TNFSF4: variants seen among roughly 807,000 people sequenced by gnomAD.
TNFSF4 encodes the protein TNF superfamily member 4, also known as tumor necrosis factor ligand superfamily member 4.
Under a neutral mutation model 7.3 loss-of-function variants are expected in TNFSF4, and 4 were observed. The observed-to-expected ratio is 0.55, with a 90% CI of 0.27 to 1.25. The LOEUF (loss-of-function observed/expected upper bound fraction) is 1.25, where lower values mean the gene tolerates loss of function less well. TNFSF4 is among the 50% of genes most tolerant of loss of function. TNFSF4 has a pLI of 0.12. For synonymous variants in TNFSF4, 76 were observed against 83.7 expected (o/e 0.91, Z 0.50); for missense variants, 181 against 208.8 (o/e 0.87, Z 0.82).
chr1:173,193,925 G>C (rs1199905568), intron 1 of TNFSF4, among the ~76,000 whole-genome samples: 1 of 152,192 alleles, frequency 6.6e-6, no homozygotes, highest in East Asian at 1.9e-4. Flanking sequence ...AACTCTAAAT[G>C]TGCATTAGAA....
chr1:173,180,225 G>T (rs903373055), downstream of TNFSF4, among the ~76,000 whole-genome samples: 1 of 152,052 alleles, frequency 6.6e-6, no homozygotes, highest in Non-Finnish European at 1.5e-5. Context: ...ATATATTTCA[G>T]ATCCATTCAT....
chr1:173,361,566 T>C, the TNFSF4 span, among the ~76,000 whole-genome samples: 1 of 152,098 alleles, frequency 6.6e-6, no homozygotes, highest in Admixed American at 6.5e-5. Flanking sequence ...ACCACTGCAC[T>C]CTAGCCTGGG....
chr1:173,221,787 T>G, the TNFSF4 span, among the ~76,000 whole-genome samples: 1 of 152,220 alleles, frequency 6.6e-6, no homozygotes, highest in Non-Finnish European at 1.5e-5. Flanking sequence ...CTTGGTCACT[T>G]GGCTAACTCA....
At chr1:173,408,556 G>C in the TNFSF4 span, among the ~76,000 whole-genome samples, 1 of 151,668 alleles carries the variant, frequency 6.6e-6, no homozygotes, top group Non-Finnish European at 1.5e-5. Flanking sequence ...ATCAATGGAT[G>C]CTAAAACTAA....
At chr1:173,239,883 T>C in the TNFSF4 span, among the ~76,000 whole-genome samples, 3 of 152,008 alleles carry the variant, frequency 2.0e-5, no homozygotes, top group Non-Finnish European at 2.9e-5. Flanking sequence ...CCACAAACAA[T>C]TAGCCAGGTT....
chr1:173,248,955 A>G, the TNFSF4 span, among the ~76,000 whole-genome samples: 6 of 152,240 alleles, frequency 3.9e-5, no homozygotes, highest in Non-Finnish European at 5.9e-5. Context: ...TGACATAATA[A>G]TTTAAGTTTT....
the TNFSF4 span, among the ~76,000 whole-genome samples, chr1:173,372,940 T>C: frequency 1.3e-5 from 2 of 152,300 alleles, no homozygotes; most frequent in Admixed American, 1.3e-4. Context: ...GAGAATGGGA[T>C]ACGAAGGGCA....
At chr1:173,436,676 G>A in the TNFSF4 span, among the ~76,000 whole-genome samples, 1 of 152,144 alleles carries the variant, frequency 6.6e-6, no homozygotes, top group African/African-American at 2.4e-5. Context: ...CCAAAGTGCT[G>A]GGATTACAGG....
At chr1:173,221,697 A>G in the TNFSF4 span, among the ~76,000 whole-genome samples, 2 of 152,200 alleles carry the variant, frequency 1.3e-5, no homozygotes, top group Non-Finnish European at 2.9e-5. Flanking sequence ...TAAGCACCAC[A>G]ATAATTATCC....
chr1:173,410,866 C>A, the TNFSF4 span, among the ~76,000 whole-genome samples: 2 of 152,244 alleles, frequency 1.3e-5, no homozygotes, highest in Non-Finnish European at 2.9e-5. Flanking sequence ...CTTTCCAGCA[C>A]TGACCACCAT....
At chr1:173,261,375 A>G in the TNFSF4 span, among the ~76,000 whole-genome samples, 1 of 152,146 alleles carries the variant, frequency 6.6e-6, no homozygotes, top group African/African-American at 2.4e-5. Context: ...TCAAAAAGCT[A>G]GAAAGATCTC....
chr1:173,361,555 C>T, the TNFSF4 span, among the ~76,000 whole-genome samples: 1 of 152,062 alleles, frequency 6.6e-6, no homozygotes, highest in South Asian at 2.1e-4. Flanking sequence ...GCCGAGATAG[C>T]ACCACTGCAC....
At chr1:173,445,608 G>A in the TNFSF4 span, among the ~76,000 whole-genome samples, 2 of 152,122 alleles carry the variant, frequency 1.3e-5, no homozygotes, top group Non-Finnish European at 2.9e-5. Flanking sequence ...AAGTCAGTAG[G>A]TAAATTTTCT....
At chr1:173,288,848 G>A in the TNFSF4 span, among the ~76,000 whole-genome samples, 1 of 150,470 alleles carries the variant, frequency 6.6e-6, no homozygotes, top group Non-Finnish European at 1.5e-5. Context: ...TGGAATAATT[G>A]AAACCATACT....
chr1:173,350,144 C>G, the TNFSF4 span, among the ~76,000 whole-genome samples: 2 of 152,146 alleles, frequency 1.3e-5, no homozygotes, highest in African/African-American at 2.4e-5. Context: ...ATCCCTGCAT[C>G]AAGTTCCTCT....
chr1:173,313,948 T>A, the TNFSF4 span, among the ~76,000 whole-genome samples: 1 of 152,136 alleles, frequency 6.6e-6, no homozygotes, highest in East Asian at 1.9e-4. Context: ...TTTTATTATA[T>A]GCTTTCTATT....
At chr1:173,264,080 T>G in the TNFSF4 span, among the ~76,000 whole-genome samples, 1 of 152,162 alleles carries the variant, frequency 6.6e-6, no homozygotes, top group Non-Finnish European at 1.5e-5. Context: ...ACCCCAATGA[T>G]ACAAATTTAC....
chr1:173,368,720 C>G, the TNFSF4 span, among the ~76,000 whole-genome samples: 1 of 152,118 alleles, frequency 6.6e-6, no homozygotes, highest in African/African-American at 2.4e-5. Context: ...TTGGTTGACC[C>G]TGCAGCCATG....
At chr1:173,218,152 C>A in the TNFSF4 span, among the ~76,000 whole-genome samples, 2 of 152,270 alleles carry the variant, frequency 1.3e-5, no homozygotes, top group African/African-American at 4.8e-5. Flanking sequence ...CAGTGTGGTT[C>A]CCCAGGTATT....
Sources: allele counts gnomAD v4.1 joint callset (sites outside exome capture counted in the v4.1 genomes callset), GRCh38; gene constraint gnomAD v4.1.1; transcripts MANE v1.5; gene names NCBI Gene and HGNC (gene_info 2026-07-23, HGNC 2026-07-21).